UBR4: variants seen among roughly 807,000 people sequenced by gnomAD.
The protein encoded by UBR4 is E3 ubiquitin-protein ligase UBR4.
UBR4 carries 124 observed loss-of-function variants against 575.6 expected under a neutral mutation model. That is an observed-to-expected ratio of 0.22 (90% CI 0.19 to 0.25). The LOEUF is 0.25. UBR4 is among the 10% of genes least tolerant of loss of function. The pLI is 1.00. For missense variants in UBR4, 4,818 were observed against 6,478.8 expected, an observed-to-expected ratio of 0.74 and a Z score of 8.80; for synonymous variants, 2,455 against 2,473.7, an observed-to-expected ratio of 0.99 and a Z score of 0.22.
intron 1 of UBR4, among the ~76,000 whole-genome samples, chr1:19,207,487 G>T (rs1282615241): frequency 6.6e-6 from 1 of 152,122 alleles, no homozygotes; most frequent in Non-Finnish European, 1.5e-5. Context: ...AAATTAGCCG[G>T]GTCTGGTGGC....
At position 19,122,633 on chromosome 1, in the gene UBR4, G is replaced by C. The variant is rs142173282; in HGVS notation, c.9816+200C>G. The stretch of plus-strand genomic sequence containing the variant: ...GCCAGGTGGGATGAGAGTGCTGAGG[G>C]GGACATCCCAGATCCTGAAGCCAAC... On this transcript the variant is annotated intron_variant, in intron 66 of 105. Coordinates refer to ENST00000375254, the MANE Select transcript of UBR4 (RefSeq NM_020765.3). Among the ~76,000 whole-genome samples, 182 of 152,308 alleles carry C rather than the reference G, an allele frequency of 1.2e-3. 1 individual carries two copies. Among genetic ancestry groups the C allele is most frequent in the African/African-American group, 4.0e-3 (167 of 41,556 alleles).
chr1:19,084,076 A>G (rs1396300746), intron 102 of UBR4, among the ~76,000 whole-genome samples: 2 of 152,196 alleles, frequency 1.3e-5, no homozygotes, highest in Non-Finnish European at 2.9e-5. Context: ...ATGGGAAACC[A>G]TCACCTGTAA....
At chr1:19,080,397 G>A (rs2076369660) in intron 103 of UBR4, 3 of 152,140 alleles carry the variant, frequency 2.0e-5, no homozygotes, top group Admixed American at 2.0e-4. Context: ...CAGGGCTAAT[G>A]GAAATAAAGA....
In UBR4 at chr1:19,172,974, C is replaced by T. The variant is rs866029301; in HGVS notation, c.3411G>A (p.Glu1137=). ...AISKVQVSLD[E]HFSKMAAETD... is the part of the protein sequence containing the mutation. ...TCTCAGCAGCCATCTTAGAAAAATGCTCATCCAAAGAGACCTGGACCTTTG... is the reference window on the plus strand; with the variant it reads ...TCTCAGCAGCCATCTTAGAAAAATGTTCATCCAAAGAGACCTGGACCTTTG... The change falls in exon 25 of 106, where the codon GAG becomes GAA. Residue 1137 remains glutamate (E), a synonymous_variant. Transcript: ENST00000375254. 27 of 1,614,030 alleles carry T rather than the reference C, an allele frequency of 1.7e-5. No homozygotes were observed. Among genetic ancestry groups the T allele is most frequent in the South Asian group, 5.5e-5 (5 of 91,092 alleles).
rs375030611 is a variant in UBR4, at chr1:19,086,660, C to A, written c.14687+19G>T. ...GGCAGGCCTACTGAAGGAGCCATTCCGCAAGAGCCAGGGCCTACCTGACGG... is the reference window on the plus strand; with the variant it reads ...GGCAGGCCTACTGAAGGAGCCATTCAGCAAGAGCCAGGGCCTACCTGACGG... On this transcript the variant is annotated intron_variant, in intron 100 of 105. Coordinates refer to ENST00000375254, the MANE Select transcript of UBR4 (RefSeq NM_020765.3). The A allele has an allele frequency of 6.2e-7, 1 of 1,612,236 alleles. No homozygotes were observed. Among genetic ancestry groups the A allele is most frequent in the Non-Finnish European group, 8.5e-7 (1 of 1,179,016 alleles).
rs1239865715 is a variant in UBR4 at position 19,176,739 on chromosome 1, CA to C, written c.2638-13del. ...AGGTTATGCTGTACCTTTTAAAACA[CA>C]AATACTGAAATTAAGAAAGATACAC... On this transcript the variant is annotated splice_polypyrimidine_tract_variant and intron_variant, in intron 19 of 105. Coordinates refer to ENST00000375254, the MANE Select transcript of UBR4 (RefSeq NM_020765.3). The C allele has an allele frequency of 6.2e-7, 1 of 1,611,618 alleles. No individual in the cohort carries two copies. The highest frequency in any genetic ancestry group is 8.5e-7 in the Non-Finnish European group (1 of 1,178,394).
At chr1:19,185,574 T>C (rs1260131702) in intron 14 of UBR4, among the ~76,000 whole-genome samples, 2 of 38,274 alleles carry the variant, frequency 5.2e-5, no homozygotes, top group African/African-American at 2.5e-4. Context: ...TTCTTTTTTC[T>C]TTTTTTTTTT....
chr1:19,095,136 G>C, intron 93 of UBR4, 111 bp from the exon 94 acceptor site: 1 of 1,476,808 alleles, frequency 6.8e-7, no homozygotes, highest in Non-Finnish European at 9.3e-7. Context: ...GAGACCATGT[G>C]TGTATGACCG....
intron 50 of UBR4, among the ~76,000 whole-genome samples, 176 bp downstream of exon 50, chr1:19,148,387 T>C (rs2085167691): frequency 6.6e-6 from 1 of 152,198 alleles, no homozygotes; most frequent in Non-Finnish European, 1.5e-5. Flanking sequence ...ACGCTCACTA[T>C]GGGCCCGAAA....
chr1:19,198,082 AT>A, intron 5 of UBR4, 33 bp from the exon 6 acceptor site: 1 of 1,598,932 alleles, frequency 6.3e-7, no homozygotes. Context: ...TCAAGATACT[AT>A]TATCTCTTCA....
intron 5 of UBR4, 120 bp from the exon 6 acceptor site, chr1:19,198,169 C>A: frequency 1.0e-6 from 1 of 980,918 alleles, no homozygotes. Flanking sequence ...GGGAAAATTC[C>A]TTACTCATGT....
rs1035196456 is a variant in UBR4 at position 19,105,791 on chromosome 1, C to T, written c.12445G>A (p.Val4149Met). ...CTGGGAATGGTGGCTAGAGCTTCCA[C>T]AATGGTACAGGCTGCCTGCCGTGCG... ...QAARQAACTI[V>M]EALATIPSRK... is the part of the protein sequence containing the mutation. Residue 4149 changes from valine to methionine, a missense_variant, in exon 84 of 106, where the codon GTG (valine) becomes ATG (methionine). By Grantham distance (21) the Val-to-Met change is conservative (BLOSUM62 1). This residue lies in a region of UBR4 where 178 missense variants were observed against 175.5 expected (regional missense o/e 1.01). Transcript: ENST00000375254. The T allele has an allele frequency of 1.1e-5, 18 of 1,610,944 alleles. No homozygotes were observed. Among genetic ancestry groups the T allele is most frequent in the Middle Eastern group, 1.6e-4 (1 of 6,068 alleles).
In UBR4 at chr1:19,165,310, C is replaced by T. The variant is rs750210404; in HGVS notation, c.4251G>A (p.Glu1417=). ...LVQIMMATAN[E]NLSAKFCNRV... ...GGTTACAGAATTTAGCAGAGAGGTT[C>T]TCATTGGCTGTTGCCATCATGATCT... is the stretch of plus-strand genomic sequence containing the variant. The change falls in exon 31 of 106, where the codon GAG becomes GAA. Residue 1417 remains glutamate, a synonymous_variant. Transcript: ENST00000375254. 7 of 1,614,208 alleles carry T rather than the reference C, an allele frequency of 4.3e-6. No homozygotes were observed. In the South Asian group the frequency reaches 4.4e-5, roughly 10 times the overall value.
At chr1:19,150,544 A>C in intron 49 of UBR4, 33 bp downstream of exon 49, 2 of 1,608,744 alleles carry the variant, frequency 1.2e-6, no homozygotes, top group Non-Finnish European at 1.7e-6. Context: ...GGAATATGTA[A>C]AAACTGAAGC....
At chr1:19,128,404 T>C (rs1471016122) in intron 61 of UBR4, 86 bp from the exon 62 acceptor site, 1 of 1,115,990 alleles carries the variant, frequency 9.0e-7, no homozygotes, top group Non-Finnish European at 1.3e-6. Context: ...GAAATCCTAA[T>C]CTTCCTGACA....
chr1:19,113,216 C>A (rs1359362606), intron 77 of UBR4: 1 of 294,134 alleles, frequency 3.4e-6, no homozygotes, highest in African/African-American at 2.2e-5. Context: ...ACTGGATGCT[C>A]TCCTTATATG....
chr1:19,134,800 T>C (rs2083003513), intron 60 of UBR4, among the ~76,000 whole-genome samples: 1 of 151,868 alleles, frequency 6.6e-6, no homozygotes, highest in African/African-American at 2.4e-5. Flanking sequence ...AAAAGTAAAC[T>C]GTAATACATG....
rs1242530721 is a variant in UBR4, at chr1:19,105,067, A to G, written c.12626T>C (p.Val4209Ala). Residue 4209 changes from valine (V) to alanine (A), a missense_variant, in exon 85 of 106, where the codon GTG becomes GCG. This residue lies in a region of UBR4 where 178 missense variants were observed against 175.5 expected (regional missense o/e 1.01). Coordinates refer to ENST00000375254, the MANE Select transcript of UBR4 (RefSeq NM_020765.3). ...GGATACCTTGGTGATGAGGTTGCCC[A>G]CATAGGGTAGGACTCCCCGAGCTGC... ...YLAARGVLPY[V>A]GNLITKEIAR... 3 of 1,613,870 alleles carry G rather than the reference A, an allele frequency of 1.9e-6. No individual in the cohort carries two copies. The highest frequency in any genetic ancestry group is 1.6e-4 in the Middle Eastern group (1 of 6,080).
chr1:19,177,800 TATA>T, intron 18 of UBR4, 57 bp from the exon 19 acceptor site: 1 of 1,565,922 alleles, frequency 6.4e-7, no homozygotes, highest in Non-Finnish European at 8.7e-7. Context: ...CCCCAGGAGT[TATA>T]ATGTCAAGCA....
Sources: allele counts gnomAD v4.1 joint callset (sites outside exome capture counted in the v4.1 genomes callset), GRCh38; gene constraint gnomAD v4.1.1; regional missense constraint gnomAD v4.1.1; transcripts MANE v1.5; gene names NCBI Gene and HGNC (gene_info 2026-07-23, HGNC 2026-07-21).